TBC1D10A: variants seen among roughly 807,000 people sequenced by gnomAD.
TBC1D10A encodes TBC1 domain family member 10A, also known as EBP50-PDX interactor of 64 kDa.
TBC1D10A carries 24 observed loss-of-function variants against 52.9 expected under a neutral mutation model. The ratio of observed to expected loss-of-function variants is 0.45; its 90% CI spans 0.33 to 0.64. The LOEUF (loss-of-function observed/expected upper bound fraction) is 0.64. Ranked by LOEUF, TBC1D10A falls within the 30% of genes least tolerant of loss-of-function variation. TBC1D10A has a pLI of 0.02. For synonymous variants in TBC1D10A, 278 were observed against 282.9 expected, an observed-to-expected ratio of 0.98 and a Z score of 0.17; for missense variants, 602 against 687.9, an observed-to-expected ratio of 0.88 and a Z score of 1.40.
intron 1 of TBC1D10A, among the ~76,000 whole-genome samples, chr22:30,305,041 G>A (rs1045206168): frequency 3.9e-5 from 6 of 152,230 alleles, no homozygotes; most frequent in Admixed American, 2.6e-4. Context: ...AACGAGTACA[G>A]AAATAATATG....
chr22:30,292,369 C>G lies in TBC1D10A; in HGVS notation c.*6G>C. Reference sequence around the variant, plus strand: ...GACCCCGCCCTGGAGGCCTTAGCTGCCAGGGTTACAAGTAGGTGTCCTCAC... The same window carrying G: ...GACCCCGCCCTGGAGGCCTTAGCTGGCAGGGTTACAAGTAGGTGTCCTCAC... On this transcript the variant is annotated 3_prime_UTR_variant, in exon 9 of 9. Coordinates refer to ENST00000215790, the MANE Select transcript of TBC1D10A (RefSeq NM_031937.3). 6.5e-7 allele frequency: 1 copy of G among 1,529,408 alleles called. No homozygotes were observed. The highest frequency in any genetic ancestry group is 8.8e-7 in the Non-Finnish European group (1 of 1,138,358). 94.7% of individuals were successfully genotyped at this position (1,529,408 alleles called of 1,614,324 possible).
chr22:30,297,895 A>G lies in TBC1D10A; in HGVS notation c.417+1549T>C, dbSNP rs777844055. The stretch of plus-strand genomic sequence containing the variant: ...CTCATGCTTCCTCTGGGTCACCCAC[A>G]GGCAAAGTCTTTCCAGGTGTGCTCA... On this transcript the variant is annotated intron_variant, in intron 3 of 8. Coordinates refer to ENST00000215790, the MANE Select transcript of TBC1D10A (RefSeq NM_031937.3). The surrounding 1 kb of genome is among the most constrained non-coding windows in gnomAD (Gnocchi z 4.3). 3 of 152,246 alleles carry G rather than the reference A, an allele frequency of 2.0e-5. No individual in the cohort carries two copies. Among genetic ancestry groups the G allele is most frequent in the Non-Finnish European group, 4.4e-5 (3 of 68,072 alleles). 9.4% of individuals were successfully genotyped at this position (152,246 alleles called of 1,614,324 possible).
intron 1 of TBC1D10A, among the ~76,000 whole-genome samples, chr22:30,305,366 A>C (rs1930290219): frequency 6.6e-6 from 1 of 152,218 alleles, no homozygotes; most frequent in South Asian, 2.1e-4. Flanking sequence ...TCTGGTGGGC[A>C]CTGAATGTGG....
At position 30,326,839 on chromosome 22, in the gene TBC1D10A, C is replaced by T. The variant is rs756844208; in HGVS notation, c.43G>A (p.Ala15Thr). ...CGGGTTCCCGACAGGCTTTCCCCGG[C>T]CGCGGGCGCGCGCGGCCCATTCTCT... Reference protein sequence around the residue: ...NGENGPRAPAAGESLSGTRES... With the variant: ...NGENGPRAPATGESLSGTRES... Residue 15 changes from alanine (A) to threonine (T), a missense_variant, in exon 1 of 9, where the codon GCC becomes ACC. Physicochemically the swap from Ala to Thr is moderately conservative, Grantham distance 58. Around this residue, in one of 3 missense-constraint regions of TBC1D10A, gnomAD observed 201 missense variants for 204.4 expected, o/e 0.98. Transcript: ENST00000215790. 2 of 1,475,730 alleles carry T rather than the reference C, an allele frequency of 1.4e-6. No individual in the cohort carries two copies. The highest frequency in any genetic ancestry group is 2.6e-5 in the Admixed American group (1 of 39,048). 91.4% of individuals were successfully genotyped at this position (1,475,730 alleles called of 1,614,324 possible). A position where few individuals can be genotyped will look rare whatever the true frequency, so the allele number is the denominator to read the frequency against.
intron 1 of TBC1D10A, among the ~76,000 whole-genome samples, chr22:30,310,581 C>T (rs1173511564): frequency 6.6e-6 from 1 of 152,154 alleles, no homozygotes; most frequent in Non-Finnish European, 1.5e-5. Flanking sequence ...AGGAGGAATG[C>T]CACCTCCTCA....
At chr22:30,318,901 C>T (rs1049816040) in intron 1 of TBC1D10A, 13 of 350,482 alleles carry the variant, frequency 3.7e-5, no homozygotes, top group African/African-American at 1.5e-4. Flanking sequence ...GGACTCAGAC[C>T]GCCCAACCCA....
intron 8 of TBC1D10A, 110 bp from the exon 9 acceptor site, chr22:30,292,961 A>G (rs962440896): frequency 3.3e-6 from 4 of 1,222,012 alleles, no homozygotes; most frequent in Non-Finnish European, 3.5e-6. Flanking sequence ...CTTGGCCACT[A>G]AACACTGACC....
In TBC1D10A at chr22:30,304,637, A is replaced by G. The variant is rs768264272; in HGVS notation, c.210-7T>C. ...CAGGGGTACTTCCTCCAGCCTGTGG[A>G]GCAGAGGGCAGGGCCTGTGAGAGGT... is the stretch of plus-strand genomic sequence containing the variant. On this transcript the variant is annotated splice_polypyrimidine_tract_variant and splice_region_variant and intron_variant, in intron 1 of 8. Coordinates refer to ENST00000215790, the MANE Select transcript of TBC1D10A (RefSeq NM_031937.3). 6.2e-6 allele frequency: 10 copies of G among 1,613,652 alleles called. No homozygotes were observed. The highest frequency in any genetic ancestry group is 3.3e-5 in the South Asian group (3 of 91,024).
rs559369012 is a variant in TBC1D10A, at chr22:30,304,663, G to A, written c.210-33C>T. ...GCAGAGGGCAGGGCCTGTGAGAGGTGCCAAGGGAAGCAAAGGCCCTGGCTT... is the reference window on the plus strand; with the variant it reads ...GCAGAGGGCAGGGCCTGTGAGAGGTACCAAGGGAAGCAAAGGCCCTGGCTT... On this transcript the variant is annotated intron_variant, in intron 1 of 8. Transcript: ENST00000215790. 466 of 1,606,760 alleles carry A rather than the reference G, an allele frequency of 2.9e-4. 6 individuals are homozygous for A. The South Asian group carries it at 4.9e-3, about 17-fold the overall frequency.
chr22:30,295,671 C>T, intron 4 of TBC1D10A, 66 bp downstream of exon 4: 1 of 1,518,824 alleles, frequency 6.6e-7, no homozygotes, highest in Non-Finnish European at 9.1e-7. Context: ...CTCACTGTAC[C>T]TCCTTAGACC....
chr22:30,294,204 G>T, intron 6 of TBC1D10A, 94 bp from the exon 7 acceptor site: 1 of 1,425,996 alleles, frequency 7.0e-7, no homozygotes, highest in Non-Finnish European at 9.6e-7. Flanking sequence ...GCACCCAGCA[G>T]GCTCAGGCAG....
rs746258829 is a variant in TBC1D10A, at chr22:30,294,082, A to C, written c.734T>G (p.Leu245Arg). 1 of 1,614,002 alleles carries C rather than the reference A, an allele frequency of 6.2e-7. No individual in the cohort carries two copies. Among genetic ancestry groups the C allele is most frequent in the South Asian group, 1.1e-5 (1 of 91,086 alleles). ...CGACACCTTCTGCAACAGCGAGAAA[A>C]GGATCTCCCCGTCCAGCTGGATCGC... ...LEAIQLDGEI[L>R]FSLLQKVSPV... Residue 245 changes from leucine to arginine, a missense_variant, in exon 7 of 9, where the codon CTT becomes CGT. Coordinates refer to ENST00000215790, the MANE Select transcript of TBC1D10A (RefSeq NM_031937.3).
chr22:30,324,543 T>C (rs964420279), intron 1 of TBC1D10A, among the ~76,000 whole-genome samples: 1 of 152,210 alleles, frequency 6.6e-6, no homozygotes, highest in Non-Finnish European at 1.5e-5. Context: ...GACAGATGTC[T>C]GGCTGCCTGG....
chr22:30,312,952 A>C (rs1930455123), intron 1 of TBC1D10A, among the ~76,000 whole-genome samples: 1 of 152,230 alleles, frequency 6.6e-6, no homozygotes, highest in Non-Finnish European at 1.5e-5. Flanking sequence ...TAGCACACAG[A>C]GAAGAAGTGC....
intron 2 of TBC1D10A, among the ~76,000 whole-genome samples, chr22:30,302,582 C>G (rs1354381795): frequency 6.6e-6 from 1 of 152,214 alleles, no homozygotes; most frequent in African/African-American, 2.4e-5. Context: ...GCCCCGAGGG[C>G]AGGGCCCAGT....
chr22:30,318,844 A>G, intron 1 of TBC1D10A: 1 of 395,896 alleles, frequency 2.5e-6, no homozygotes, highest in Non-Finnish European at 5.1e-6. Flanking sequence ...CCAGACCTGG[A>G]CTAACTTTTA....
At position 30,294,934 on chromosome 22, in the gene TBC1D10A, G is replaced by A. The variant is rs1930042124; in HGVS notation, c.639+7C>T. On this transcript the variant is annotated splice_region_variant and intron_variant, in intron 5 of 8. Transcript: ENST00000215790. Reference sequence around the variant, plus strand: ...CACCCCCCTGCCTGCCCGGGGCCTGGTGGTACCTCAGCAGGCATATGCATG... The same window carrying A: ...CACCCCCCTGCCTGCCCGGGGCCTGATGGTACCTCAGCAGGCATATGCATG... 6.2e-7 allele frequency: 1 copy of A among 1,613,982 alleles called. No homozygotes were observed. The highest frequency in any genetic ancestry group is 1.6e-4 in the Middle Eastern group (1 of 6,062).
intron 3 of TBC1D10A, chr22:30,298,638 AC>A (rs1236156120): frequency 6.6e-6 from 1 of 151,976 alleles, no homozygotes; most frequent in African/African-American, 2.4e-5. Context: ...CCTGCGAGAA[AC>A]CCCGATGCCT....
chr22:30,319,613 C>T (rs756895386), intron 1 of TBC1D10A, among the ~76,000 whole-genome samples: 10 of 152,010 alleles, frequency 6.6e-5, no homozygotes, highest in African/African-American at 2.4e-4. Context: ...GGAGGAGAGA[C>T]GGGAAATGGA....
Sources: allele counts gnomAD v4.1 joint callset (sites outside exome capture counted in the v4.1 genomes callset), GRCh38; gene constraint gnomAD v4.1.1; regional missense constraint gnomAD v4.1.1; non-coding constraint Gnocchi (gnomAD v3.1); transcripts MANE v1.5; gene names NCBI Gene and HGNC (gene_info 2026-07-23, HGNC 2026-07-21).